CCDC178: variants seen among roughly 807,000 people sequenced by gnomAD.
The protein encoded by CCDC178 is coiled-coil domain-containing protein 178.
A neutral mutation model predicts 117.4 loss-of-function variants in CCDC178; 126 were observed. The observed-to-expected ratio is 1.07, with a 90% CI of 0.93 to 1.24. CCDC178 has a LOEUF of 1.24. CCDC178 is among the 50% of genes most tolerant of loss of function. The pLI, the probability that CCDC178 is intolerant of heterozygous loss-of-function variation, is 0.00. For synonymous variants in CCDC178, 283 were observed against 313.4 expected (o/e 0.90, Z 1.02); for missense variants, 1,030 against 986.9 (o/e 1.04, Z -0.59).
chr18:33,181,200 C>G (rs1012886895), intron 20 of CCDC178, among the ~76,000 whole-genome samples: 1 of 151,932 alleles, frequency 6.6e-6, no homozygotes, highest in African/African-American at 2.4e-5. Flanking sequence ...AGAACTTCAT[C>G]CTGTAAGTTT....
At chr18:32,981,178 TA>T (rs2144715026) in intron 21 of CCDC178, among the ~76,000 whole-genome samples, 1 of 152,132 alleles carries the variant, frequency 6.6e-6, no homozygotes, top group African/African-American at 2.4e-5. Flanking sequence ...ACTCTGTCTC[TA>T]AAAAAATAAA....
chr18:33,179,934 G>A (rs1449918654), intron 20 of CCDC178, among the ~76,000 whole-genome samples: 1 of 151,782 alleles, frequency 6.6e-6, no homozygotes, highest in Non-Finnish European at 1.5e-5. Flanking sequence ...CTGGCAGAAA[G>A]TTTTTCAGGA....
intron 6 of CCDC178, among the ~76,000 whole-genome samples, chr18:33,359,905 C>T (rs2063103135): frequency 6.6e-6 from 1 of 151,144 alleles, no homozygotes. Flanking sequence ...TCTAACATTT[C>T]CATTGACCTT....
intron 14 of CCDC178, among the ~76,000 whole-genome samples, chr18:33,259,000 A>G (rs1385237804): frequency 6.6e-6 from 1 of 152,140 alleles, no homozygotes; most frequent in Non-Finnish European, 1.5e-5. Context: ...AATGTTTCAG[A>G]AACTAGGTTA....
chr18:32,962,536 C>CTGAT (rs1447654144), intron 22 of CCDC178, among the ~76,000 whole-genome samples: 1 of 151,898 alleles, frequency 6.6e-6, no homozygotes, highest in Non-Finnish European at 1.5e-5. Context: ...GAATTCTGGG[C>CTGAT]TGATTGTTTT....
intron 20 of CCDC178, among the ~76,000 whole-genome samples, chr18:33,176,619 T>A (rs184788632): frequency 1.2e-4 from 19 of 152,296 alleles, no homozygotes; most frequent in African/African-American, 4.6e-4. Flanking sequence ...ATGATTTTAC[T>A]CTGTATTTTC....
intron 21 of CCDC178, among the ~76,000 whole-genome samples, chr18:33,058,609 AGTCTC>A (rs2056868642): frequency 6.6e-6 from 1 of 152,236 alleles, no homozygotes; most frequent in African/African-American, 2.4e-5. Context: ...TATGGAAATA[AGTCTC>A]AAGGCACAGT....
At chr18:33,239,287 G>A (rs1324342014) in intron 15 of CCDC178, among the ~76,000 whole-genome samples, 2 of 151,828 alleles carry the variant, frequency 1.3e-5, no homozygotes, top group Non-Finnish European at 2.9e-5. Context: ...GATGAAGTAA[G>A]AAACATAGGA....
intron 15 of CCDC178, among the ~76,000 whole-genome samples, chr18:33,232,822 G>A (rs910997461): frequency 4.6e-5 from 7 of 152,080 alleles, no homozygotes; most frequent in African/African-American, 1.7e-4. Context: ...ATTATCTCTG[G>A]TAGAGTCAGT....
chr18:33,226,895 T>A (rs765138709), intron 15 of CCDC178, 40 bp from the exon 16 acceptor site: 1 of 1,134,984 alleles, frequency 8.8e-7, no homozygotes, highest in Non-Finnish European at 1.3e-6. Context: ...ATTTTCTTCA[T>A]AAAACATCAA....
intron 2 of CCDC178, among the ~76,000 whole-genome samples, chr18:33,435,302 C>T (rs2064273564): frequency 6.6e-6 from 1 of 152,136 alleles, no homozygotes; most frequent in African/African-American, 2.4e-5. Flanking sequence ...TTCAACTACT[C>T]AATAGTCACA....
chr18:33,051,111 C>T (rs1256562625), intron 21 of CCDC178, among the ~76,000 whole-genome samples: 3 of 152,068 alleles, frequency 2.0e-5, no homozygotes, highest in Non-Finnish European at 2.9e-5. Context: ...CGGGGCTTTG[C>T]CATGTTGGTC....
At chr18:33,280,410 C>G (rs2060008150) in intron 12 of CCDC178, among the ~76,000 whole-genome samples, 1 of 151,342 alleles carries the variant, frequency 6.6e-6, no homozygotes, top group Non-Finnish European at 1.5e-5. Context: ...GAGATACCAT[C>G]TCACACCAGT....
intron 20 of CCDC178, among the ~76,000 whole-genome samples, chr18:33,175,380 T>G (rs1031682972): frequency 4.0e-5 from 6 of 151,874 alleles, no homozygotes; most frequent in East Asian, 1.9e-4. Context: ...TTTTGTGGGG[T>G]TTTTTTTCTT....
chr18:33,088,642 A>G (rs2057417976), intron 21 of CCDC178, among the ~76,000 whole-genome samples: 1 of 152,156 alleles, frequency 6.6e-6, no homozygotes. Flanking sequence ...GAATGAATGA[A>G]TTACAAGTGT....
chr18:33,348,023 T>C (rs1034588896), intron 8 of CCDC178, among the ~76,000 whole-genome samples: 20 of 152,110 alleles, frequency 1.3e-4, no homozygotes, highest in African/African-American at 4.8e-4. Flanking sequence ...TAAACATAAT[T>C]GTAGCTAATG....
intron 21 of CCDC178, among the ~76,000 whole-genome samples, chr18:33,072,181 G>C (rs907391189): frequency 6.6e-6 from 1 of 151,874 alleles, no homozygotes; most frequent in Non-Finnish European, 1.5e-5. Flanking sequence ...TGGTCTTTTT[G>C]TGTTTTTCAG....
At chr18:33,325,815 A>C (rs545940577) in intron 10 of CCDC178, among the ~76,000 whole-genome samples, 7 of 152,174 alleles carry the variant, frequency 4.6e-5, no homozygotes, top group African/African-American at 1.4e-4. Flanking sequence ...ATCCTTCTAA[A>C]TTTTCTTAAG....
chr18:33,425,686 C>A (rs998084547), intron 2 of CCDC178, among the ~76,000 whole-genome samples: 1 of 152,096 alleles, frequency 6.6e-6, no homozygotes, highest in African/African-American at 2.4e-5. Context: ...CTGCTTGAGT[C>A]TGTTCTCTTT....
Sources: allele counts gnomAD v4.1 joint callset (sites outside exome capture counted in the v4.1 genomes callset), GRCh38; gene constraint gnomAD v4.1.1; transcripts MANE v1.5; gene names NCBI Gene and HGNC (gene_info 2026-07-23, HGNC 2026-07-21).